The following RYR1 variants were observed in gnomAD, a reference collection of about 807,000 sequenced individuals.
RYR1 encodes ryanodine receptor 1.
Under a neutral mutation model 583.5 loss-of-function variants are expected in RYR1, and 342 were observed. The observed-to-expected ratio is 0.59, with a 90% CI of 0.54 to 0.64. The LOEUF (loss-of-function observed/expected upper bound fraction) is 0.64, where lower values mean the gene tolerates loss of function less well. Among genes scored for constraint, RYR1 ranks in the 30% least tolerant of loss-of-function variants. RYR1 has a pLI of 0.00. For synonymous variants in RYR1, 2,791 were observed against 2,822.5 expected (o/e 0.99, Z 0.35); for missense variants, 6,032 against 6,917.2 (o/e 0.87, Z 4.54).
At chr19:38,532,186 A>G (rs1971767230) in intron 76 of RYR1, among the ~76,000 whole-genome samples, 1 of 150,900 alleles carries the variant, frequency 6.6e-6, no homozygotes, top group Admixed American at 6.6e-5. Context: ...CGGTGGCGCA[A>G]TGTCAGCTCA....
chr19:38,527,910 G>A, intron 73 of RYR1, 126 bp downstream of exon 73: 2 of 1,123,124 alleles, frequency 1.8e-6, no homozygotes, highest in Non-Finnish European at 2.6e-6. Flanking sequence ...AGGAGGTGGA[G>A]CCTCGAGTTT....
Position 38,499,973 on chromosome 19 carries a change from C to T in RYR1, c.7280C>T (p.Ala2427Val). ...HLGHAIMSFY[A>V]ALIDLLGRCA... ...GGACACGCCATCATGTCCTTCTATG[C>T]CGCCTTGATCGACCTGCTCGGACGC... Residue 2427 changes from alanine to valine, a missense_variant, in exon 45 of 106, where the codon GCC (alanine) becomes GTC (valine). Around this residue, in one of 11 missense-constraint regions of RYR1, gnomAD observed 2,627 missense variants for 2,961.3 expected, o/e 0.89. Coordinates refer to ENST00000359596, the MANE Select transcript of RYR1 (RefSeq NM_000540.3). This position sits in a 1 kb window ranked among gnomAD's most constrained non-coding sequence, Gnocchi z 7.3. The T allele has an allele frequency of 6.2e-7, 1 of 1,614,174 alleles. No homozygotes were observed. Among genetic ancestry groups the T allele is most frequent in the South Asian group, 1.1e-5 (1 of 91,092 alleles).
chr19:38,436,269 T>C (rs547675392), intron 1 of RYR1, among the ~76,000 whole-genome samples: 2 of 151,532 alleles, frequency 1.3e-5, no homozygotes, highest in South Asian at 4.2e-4. Context: ...TACAGCAGTT[T>C]GGTGGTTGGT....
chr19:38,454,788 T>TA (rs72192667), intron 13 of RYR1, among the ~76,000 whole-genome samples: 96,489 of 146,130 alleles, frequency 0.66, 31,861 homozygotes, highest in Middle Eastern at 0.73. Flanking sequence ...TATTAAAATG[T>TA]AAAAAAAAAA....
At chr19:38,489,692 G>A (rs1366879854) in intron 35 of RYR1, among the ~76,000 whole-genome samples, 5 of 152,106 alleles carry the variant, frequency 3.3e-5, no homozygotes, top group African/African-American at 1.2e-4. Flanking sequence ...ACAGTGGTGC[G>A]ATCTCGGCTC....
At chr19:38,528,510 T>C in intron 74 of RYR1, 89 bp from the exon 75 acceptor site, 1 of 1,589,564 alleles carries the variant, frequency 6.3e-7, no homozygotes, top group South Asian at 1.1e-5. Flanking sequence ...TGATGGGGCC[T>C]TGAGGGTGGT....
chr19:38,553,702 TAC>T (rs1972763109), intron 89 of RYR1, among the ~76,000 whole-genome samples: 2 of 152,170 alleles, frequency 1.3e-5, no homozygotes, highest in African/African-American at 4.8e-5. Flanking sequence ...TGAGAAGTCT[TAC>T]TCCTGCTCTT....
At position 38,455,442 on chromosome 19, in the gene RYR1, C is replaced by T. The variant is rs377765716; in HGVS notation, c.1577-9C>T. ...GTCCTATTGGATCTGACACCTCTTC[C>T]CCCCTCAGCTTCTCTAATCCGTGGC... On this transcript the variant is annotated splice_polypyrimidine_tract_variant and intron_variant, in intron 14 of 105. Coordinates refer to ENST00000359596, the MANE Select transcript of RYR1 (RefSeq NM_000540.3). 3.1e-6 allele frequency: 5 copies of T among 1,614,116 alleles called. No individual in the cohort carries two copies. The African/African-American group carries it at 4.0e-5, about 13-fold the overall frequency.
intron 25 of RYR1, among the ~76,000 whole-genome samples, chr19:38,468,638 A>G (rs1968252859): frequency 6.6e-6 from 1 of 152,082 alleles, no homozygotes; most frequent in South Asian, 2.1e-4. Flanking sequence ...TGATAGGTTC[A>G]TTTTTCCTTT....
At chr19:38,576,025 G>A in intron 97 of RYR1, 64 bp downstream of exon 97, 1 of 1,584,080 alleles carries the variant, frequency 6.3e-7, no homozygotes, top group Non-Finnish European at 8.7e-7. Context: ...GCCATCACAG[G>A]CCTGCCAAGC....
intron 89 of RYR1, among the ~76,000 whole-genome samples, chr19:38,554,712 A>T (rs1972808869): frequency 6.6e-6 from 1 of 151,890 alleles, no homozygotes; most frequent in Non-Finnish European, 1.5e-5. Context: ...GGTTTAAGGG[A>T]TCCTCCTGCC....
intron 54 of RYR1, 41 bp downstream of exon 54, chr19:38,505,987 G>C: frequency 6.2e-7 from 1 of 1,601,436 alleles, no homozygotes. Context: ...GCACGATGGG[G>C]GGAGGGTCTA....
intron 54 of RYR1, 149 bp downstream of exon 54, chr19:38,506,095 A>G: frequency 1.7e-6 from 2 of 1,165,846 alleles, no homozygotes; most frequent in Non-Finnish European, 2.4e-6. Flanking sequence ...GATCTGGGAA[A>G]GGAGAGGGCA....
At position 38,499,533 on chromosome 19, in the gene RYR1, G is replaced by T; in HGVS notation, c.7028-102G>T. ...CTGGAGGTGTTGGGTCCTGGAGCTG[G>T]ATGGGACCTGTGTTACCCCTGGAGG... is the stretch of plus-strand genomic sequence containing the variant. On this transcript the variant is annotated intron_variant, in intron 43 of 105. Transcript: ENST00000359596. The surrounding 1 kb of genome is among the most constrained non-coding windows in gnomAD (Gnocchi z 7.3). The T allele has an allele frequency of 7.3e-7, 1 of 1,362,798 alleles. No homozygotes were observed. The highest frequency in any genetic ancestry group is 1.0e-6 in the Non-Finnish European group (1 of 984,512). 84.4% of individuals were successfully genotyped at this position (1,362,798 alleles called of 1,614,324 possible).
intron 101 of RYR1, among the ~76,000 whole-genome samples, chr19:38,581,006 C>G (rs1280191169): frequency 2.0e-5 from 3 of 150,982 alleles, no homozygotes; most frequent in Non-Finnish European, 2.9e-5. Context: ...TCAAGTGATT[C>G]TCCTGCCTCA....
intron 67 of RYR1, among the ~76,000 whole-genome samples, chr19:38,522,187 T>C (rs74630301): frequency 6.6e-6 from 1 of 152,184 alleles, no homozygotes. Context: ...ATTCACCAGG[T>C]TGATATTTCT....
chr19:38,528,207 C>T, intron 73 of RYR1, 99 bp from the exon 74 acceptor site: 1 of 999,614 alleles, frequency 1.0e-6, no homozygotes, highest in East Asian at 2.5e-5. Context: ...GAGTCTTAAC[C>T]TGAATATGGA....
intron 9 of RYR1, 57 bp downstream of exon 9, chr19:38,446,825 G>A (rs957251157): frequency 5.2e-5 from 74 of 1,426,700 alleles, no homozygotes; most frequent in Non-Finnish European, 7.2e-5. Flanking sequence ...CTGGCAGGCT[G>A]GGAGGACAGA....
intron 92 of RYR1, 33 bp from the exon 93 acceptor site, chr19:38,567,740 C>T: frequency 5.0e-6 from 8 of 1,614,180 alleles, no homozygotes; most frequent in Non-Finnish European, 5.9e-6. Flanking sequence ...CCTGCCCAGG[C>T]ACCTCCTGAC....
Sources: gnomAD v4.1 joint callset for allele counts (sites outside exome capture counted in the v4.1 genomes callset) on GRCh38, gnomAD v4.1.1 for gene constraint, gnomAD v4.1.1 regional missense constraint, Gnocchi (gnomAD v3.1) non-coding constraint, MANE v1.5 for transcripts, NCBI Gene and HGNC (gene_info 2026-07-23, HGNC 2026-07-21) for gene names.